RNLS: variants seen among roughly 807,000 people sequenced by gnomAD.
RNLS encodes the protein renalase.
A neutral mutation model predicts 39.8 loss-of-function variants in RNLS; 39 were observed. That is an observed-to-expected ratio of 0.98 (90% confidence interval 0.76 to 1.28). The LOEUF (loss-of-function observed/expected upper bound fraction) is 1.28, where lower values mean the gene tolerates loss of function less well. Among genes scored for constraint, RNLS ranks in the 50% most tolerant of loss-of-function variants. The pLI, the probability that RNLS is intolerant of heterozygous loss-of-function variation, is 0.00. For synonymous variants in RNLS, 147 were observed against 150.7 expected (o/e 0.98, Z 0.18); for missense variants, 410 against 413.3 (o/e 0.99, Z 0.07).
At chr10:88,309,732 T>C (rs1025505220) in intron 6 of RNLS, among the ~76,000 whole-genome samples, 1 of 152,140 alleles carries the variant, frequency 6.6e-6, no homozygotes, top group African/African-American at 2.4e-5. Flanking sequence ...CAAGCCGACA[T>C]GGCTAATTGT....
In RNLS at chr10:88,480,787, TTG is replaced by T. The variant is rs60584908; in HGVS notation, c.526+92114_526+92115del. Among the ~76,000 whole-genome samples the T allele has an allele frequency of 6.2e-3, 917 of 147,576 alleles. 7 individuals carry two copies. The highest frequency in any genetic ancestry group is 0.018 in the African/African-American group (718 of 40,098). Reference sequence around the variant, plus strand: ...ATTAGTACTGTTTATTCCTGTGTCTTTGTGTGTGTGTGTGTGTGTGTGTGTGT... The same window carrying T: ...ATTAGTACTGTTTATTCCTGTGTCTTTGTGTGTGTGTGTGTGTGTGTGTGT... On this transcript the variant is annotated intron_variant, in intron 4 of 6. Coordinates refer to ENST00000331772, the MANE Select transcript of RNLS (RefSeq NM_001031709.3).
chr10:88,241,489 C>T, the RNLS span, among the ~76,000 whole-genome samples: 1 of 152,062 alleles, frequency 6.6e-6, no homozygotes, highest in African/African-American at 2.4e-5. Flanking sequence ...CTTTTTGTTT[C>T]AATGTCCCTT....
At chr10:88,510,464 A>C (rs1396100801) in intron 4 of RNLS, among the ~76,000 whole-genome samples, 1 of 152,190 alleles carries the variant, frequency 6.6e-6, no homozygotes, top group East Asian at 1.9e-4. Flanking sequence ...TAAATTTCTC[A>C]TATCTCTAAA....
At chr10:88,358,788 T>C (rs1313026191) in intron 5 of RNLS, among the ~76,000 whole-genome samples, 1 of 152,260 alleles carries the variant, frequency 6.6e-6, no homozygotes, top group East Asian at 1.9e-4. Flanking sequence ...TAACAAATTA[T>C]TATGCCTTGA....
At chr10:88,573,095 A>G in intron 3 of RNLS, 34 bp from the exon 4 acceptor site, 1 of 1,603,778 alleles carries the variant, frequency 6.2e-7, no homozygotes, top group Non-Finnish European at 8.5e-7. Flanking sequence ...CCCCATTATC[A>G]GAATTGCATA....
intron 4 of RNLS, among the ~76,000 whole-genome samples, chr10:88,499,662 G>A (rs1845363106): frequency 6.6e-6 from 1 of 152,018 alleles, no homozygotes; most frequent in Non-Finnish European, 1.5e-5. Context: ...ACAGTAACCA[G>A]ATCGAAGTGA....
chr10:88,179,421 G>A, the RNLS span, among the ~76,000 whole-genome samples: 1 of 152,124 alleles, frequency 6.6e-6, no homozygotes, highest in African/African-American at 2.4e-5. Context: ...TTCTTTTAAA[G>A]AATCTCTCTC....
chr10:88,325,634 C>G (rs1025719884), intron 5 of RNLS, among the ~76,000 whole-genome samples: 4 of 152,170 alleles, frequency 2.6e-5, no homozygotes, highest in Non-Finnish European at 5.9e-5. Context: ...GTTAAATGTA[C>G]TTATTTAAAG....
the RNLS span, among the ~76,000 whole-genome samples, chr10:88,211,144 G>A: frequency 6.6e-5 from 10 of 151,880 alleles, no homozygotes; most frequent in African/African-American, 2.4e-4. Context: ...TTTAAATATC[G>A]ATTTCATCGT....
intron 5 of RNLS, among the ~76,000 whole-genome samples, chr10:88,329,334 G>A (rs961137056): frequency 1.1e-4 from 16 of 152,124 alleles, no homozygotes; most frequent in Non-Finnish European, 1.9e-4. Flanking sequence ...ATGTAAGTGT[G>A]AGCCACCATG....
chr10:88,396,734 T>C (rs1852580847), intron 4 of RNLS, among the ~76,000 whole-genome samples: 1 of 149,524 alleles, frequency 6.7e-6, no homozygotes, highest in East Asian at 2.0e-4. Context: ...TCCAACTCTA[T>C]GCTCTCTATA....
chr10:88,524,947 TGGCACACAC>T lies in RNLS; in HGVS notation c.526+47947_526+47955del, dbSNP rs1383045334. Among the ~76,000 whole-genome samples, 26 of 79,406 alleles carry T rather than the reference TGGCACACAC, an allele frequency of 3.3e-4. No homozygotes were observed. In the South Asian group the frequency reaches 3.5e-3, roughly 11 times the overall value. The allele number at this position is 79,406 out of a possible 152,430, so 52.1% of individuals were successfully genotyped here. A position where few individuals can be genotyped will look rare whatever the true frequency, so the allele number is the denominator to read the frequency against. On this transcript the variant is annotated intron_variant, in intron 4 of 6. Coordinates refer to ENST00000331772, the MANE Select transcript of RNLS (RefSeq NM_001031709.3). The stretch of plus-strand genomic sequence containing the variant: ...CATGTATGCCATATATATATATATA[TGGCACACAC>T]ATACATATATATATATATATATATA...
At chr10:88,461,788 T>C (rs945752129) in intron 4 of RNLS, among the ~76,000 whole-genome samples, 6 of 152,186 alleles carry the variant, frequency 3.9e-5, no homozygotes, top group Admixed American at 2.6e-4. Context: ...AACTCATAGT[T>C]TGATATTTTA....
chr10:88,424,181 G>C (rs1202260341), intron 4 of RNLS, among the ~76,000 whole-genome samples: 1 of 152,162 alleles, frequency 6.6e-6, no homozygotes, highest in African/African-American at 2.4e-5. Flanking sequence ...AGCTTTGCTT[G>C]TTCCACCAAC....
chr10:88,207,176 T>A, the RNLS span, among the ~76,000 whole-genome samples: 1 of 152,136 alleles, frequency 6.6e-6, no homozygotes, highest in African/African-American at 2.4e-5. Flanking sequence ...GAAACGAAGA[T>A]AAGTGGAACT....
At chr10:88,286,649 C>T (rs2132629014) in intron 6 of RNLS, among the ~76,000 whole-genome samples, 1 of 151,870 alleles carries the variant, frequency 6.6e-6, no homozygotes, top group African/African-American at 2.4e-5. Context: ...ACAGTGTTTT[C>T]ATGGATAGTA....
At chr10:88,511,229 A>AC (rs1846107104) in intron 4 of RNLS, among the ~76,000 whole-genome samples, 1 of 151,834 alleles carries the variant, frequency 6.6e-6, no homozygotes, top group Non-Finnish European at 1.5e-5. Context: ...CAGGAGAATC[A>AC]CCTCTCTATG....
the RNLS span, among the ~76,000 whole-genome samples, chr10:88,256,834 T>C: frequency 6.6e-6 from 1 of 152,146 alleles, no homozygotes; most frequent in Admixed American, 6.5e-5. Flanking sequence ...TCTGGATGGG[T>C]TGAAGGGCCA....
chr10:88,269,185 C>T (rs575406794), downstream of RNLS, among the ~76,000 whole-genome samples: 1 of 152,212 alleles, frequency 6.6e-6, no homozygotes, highest in East Asian at 1.9e-4. Flanking sequence ...CTTCTTTGGC[C>T]ACTTTTAAAC....
Sources: gnomAD v4.1 joint callset for allele counts (sites outside exome capture counted in the v4.1 genomes callset) on GRCh38, gnomAD v4.1.1 for gene constraint, MANE v1.5 for transcripts, NCBI Gene and HGNC (gene_info 2026-07-23, HGNC 2026-07-21) for gene names.